The following IPCEF1 variants were observed in gnomAD, a reference collection of about 807,000 sequenced individuals.
IPCEF1 encodes the protein interaction protein for cytohesin exchange factors 1, also known as interactor protein for cytohesin exchange factors 1.
Under a neutral mutation model 50.9 loss-of-function variants are expected in IPCEF1, and 31 were observed. The observed-to-expected ratio is 0.61, with a 90% CI of 0.46 to 0.82. The LOEUF is 0.82. IPCEF1 is among the 40% of genes least tolerant of loss of function. The probability of loss-of-function intolerance (pLI) is 0.00; values close to 1 mark genes in which losing one functional copy is unlikely to be tolerated. For synonymous variants in IPCEF1, 181 were observed against 192.0 expected, an observed-to-expected ratio of 0.94 and a Z score of 0.47; for missense variants, 458 against 514.0, an observed-to-expected ratio of 0.89 and a Z score of 1.05.
At chr6:154,350,148 A>C (rs1265416051) in intron 1 of IPCEF1, among the ~76,000 whole-genome samples, 1 of 152,174 alleles carries the variant, frequency 6.6e-6, no homozygotes, top group Non-Finnish European at 1.5e-5. Flanking sequence ...ATGATCTAAC[A>C]TCCATTTATT....
intron 1 of IPCEF1, among the ~76,000 whole-genome samples, chr6:154,320,682 G>A (rs924774803): frequency 3.3e-5 from 5 of 152,120 alleles, no homozygotes; most frequent in African/African-American, 9.7e-5. Context: ...AATTGTGCGT[G>A]AATGAAGTAT....
chr6:154,244,156 T>C lies in IPCEF1; in HGVS notation c.246+2435A>G, dbSNP rs555709615. 1.5e-4 allele frequency among the ~76,000 whole-genome samples: 23 copies of C among 152,334 alleles called. 3 individuals are homozygous for C. Among genetic ancestry groups the C allele is most frequent in the South Asian group, 6.2e-4 (3 of 4,830 alleles). On this transcript the variant is annotated intron_variant, in intron 5 of 11. Coordinates refer to ENST00000367220, the MANE Select transcript of IPCEF1 (RefSeq NM_001130700.2). ...GTGGCAGGAAGTAAATAAAGCTTCT[T>C]GGCTTGACAGGACATGCTTGGGTCT...
intron 10 of IPCEF1, among the ~76,000 whole-genome samples, chr6:154,169,788 C>A (rs1049525339): frequency 4.6e-5 from 7 of 152,214 alleles, no homozygotes; most frequent in African/African-American, 1.7e-4. Context: ...ACCATTCTGG[C>A]CACAGTCACT....
intron 1 of IPCEF1, among the ~76,000 whole-genome samples, chr6:154,315,967 C>G (rs185458994): frequency 6.6e-6 from 1 of 152,234 alleles, no homozygotes; most frequent in East Asian, 1.9e-4. Context: ...TCAAGTTATT[C>G]TTGTGCCTCA....
At chr6:154,295,517 A>T (rs902486806) in intron 1 of IPCEF1, among the ~76,000 whole-genome samples, 1 of 152,028 alleles carries the variant, frequency 6.6e-6, no homozygotes, top group African/African-American at 2.4e-5. Flanking sequence ...AGGACTTTCC[A>T]TAGTGGCACA....
At chr6:154,279,511 G>A (rs1782155805) in intron 2 of IPCEF1, among the ~76,000 whole-genome samples, 1 of 152,054 alleles carries the variant, frequency 6.6e-6, no homozygotes, top group Non-Finnish European at 1.5e-5. Context: ...TTCCTTATTA[G>A]ATCTACAATT....
intron 10 of IPCEF1, among the ~76,000 whole-genome samples, chr6:154,170,436 C>A (rs1306690011): frequency 1.3e-5 from 2 of 152,156 alleles, no homozygotes; most frequent in African/African-American, 2.4e-5. Flanking sequence ...CGATTAGAAA[C>A]CTTTATGCAA....
chr6:154,305,757 A>T (rs996882251), intron 1 of IPCEF1, among the ~76,000 whole-genome samples: 3 of 152,194 alleles, frequency 2.0e-5, no homozygotes, highest in Non-Finnish European at 2.9e-5. Flanking sequence ...AAGCAGGCAG[A>T]AGAAGGTGGG....
At position 154,326,157 on chromosome 6, in the gene IPCEF1, G is replaced by A. The variant is rs533080509; in HGVS notation, c.-62+30515C>T. 7.9e-5 allele frequency among the ~76,000 whole-genome samples: 12 copies of A among 151,780 alleles called. 1 individual carries two copies. The highest frequency in any genetic ancestry group is 2.9e-4 in the African/African-American group (12 of 41,312). ...GGGAGGCTTGAGCCCAGGAGGCAGAGGCTGCAGTGAGCCAAGATTGCACCA... is the reference window on the plus strand; with the variant it reads ...GGGAGGCTTGAGCCCAGGAGGCAGAAGCTGCAGTGAGCCAAGATTGCACCA... On this transcript the variant is annotated intron_variant, in intron 1 of 11. Transcript: ENST00000367220.
At chr6:154,325,336 T>C (rs916290252) in intron 1 of IPCEF1, among the ~76,000 whole-genome samples, 13 of 152,246 alleles carry the variant, frequency 8.5e-5, no homozygotes, top group Non-Finnish European at 1.6e-4. Context: ...TATCTGTATA[T>C]GTACTTAAAT....
intron 3 of IPCEF1, among the ~76,000 whole-genome samples, chr6:154,254,200 C>T (rs1437582079): frequency 6.6e-6 from 1 of 152,090 alleles, no homozygotes; most frequent in African/African-American, 2.4e-5. Flanking sequence ...TTATTTGTGA[C>T]ATTACATAAT....
chr6:154,345,018 C>T (rs1033898236), intron 1 of IPCEF1, among the ~76,000 whole-genome samples: 2 of 152,104 alleles, frequency 1.3e-5, no homozygotes, highest in African/African-American at 2.4e-5. Flanking sequence ...CACAAGTGCA[C>T]GCCATCACAC....
intron 3 of IPCEF1, among the ~76,000 whole-genome samples, chr6:154,262,769 C>CTT (rs138504583): frequency 5.1e-5 from 5 of 97,724 alleles, no homozygotes; most frequent in Non-Finnish European, 7.7e-5. Context: ...GCTTATAATC[C>CTT]TTTTTTTTTT....
intron 1 of IPCEF1, among the ~76,000 whole-genome samples, chr6:154,342,646 G>T (rs548402193): frequency 6.6e-6 from 1 of 152,206 alleles, no homozygotes; most frequent in South Asian, 2.1e-4. Context: ...GGGGAGGCAG[G>T]CAAGGCTGGA....
At chr6:154,245,774 G>C (rs1049959090) in intron 5 of IPCEF1, among the ~76,000 whole-genome samples, 3 of 152,106 alleles carry the variant, frequency 2.0e-5, no homozygotes, top group African/African-American at 7.2e-5. Context: ...AACCTCACTG[G>C]GTTTGTGGAG....
chr6:154,232,099 T>G (rs941021917), intron 5 of IPCEF1, among the ~76,000 whole-genome samples: 4 of 152,108 alleles, frequency 2.6e-5, no homozygotes, highest in African/African-American at 4.8e-5. Flanking sequence ...AAAGCTCCCC[T>G]CCTTCTCTCC....
intron 10 of IPCEF1, among the ~76,000 whole-genome samples, chr6:154,181,815 A>AC (rs1800902182): frequency 6.6e-6 from 1 of 152,216 alleles, no homozygotes. Flanking sequence ...CTTCTTGGGG[A>AC]CTTGAACTGG....
chr6:154,194,931 G>C (rs1776463739), intron 10 of IPCEF1, among the ~76,000 whole-genome samples: 1 of 151,926 alleles, frequency 6.6e-6, no homozygotes. Context: ...AGATTACTAG[G>C]TAATGTTCTA....
At chr6:154,349,357 AATTTT>A (rs150590712) in intron 1 of IPCEF1, among the ~76,000 whole-genome samples, 75,420 of 147,174 alleles carry the variant, frequency 0.51, 19,883 homozygotes, top group Middle Eastern at 0.6. Flanking sequence ...ACACTTAACT[AATTTT>A]ATTTTATTTT....
Sources: allele counts gnomAD v4.1 joint callset (sites outside exome capture counted in the v4.1 genomes callset), GRCh38; gene constraint gnomAD v4.1.1; transcripts MANE v1.5; gene names NCBI Gene and HGNC (gene_info 2026-07-23, HGNC 2026-07-21).